Variants in HPS5 observed in about 807,000 individuals in gnomAD.
HPS5 encodes HPS5 biogenesis of lysosomal organelles complex 2 subunit 2.
Under a neutral mutation model 128.0 loss-of-function variants are expected in HPS5, and 83 were observed. That is an observed-to-expected ratio of 0.65 (90% confidence interval 0.54 to 0.78). HPS5 has a LOEUF of 0.78. HPS5 is among the 30% of genes least tolerant of loss of function. HPS5 has a pLI of 0.00. For synonymous variants in HPS5, 475 were observed against 470.2 expected, an observed-to-expected ratio of 1.01 and a Z score of -0.13; for missense variants, 1,281 against 1,326.2, an observed-to-expected ratio of 0.97 and a Z score of 0.53.
At chr11:18,295,229 G>A in intron 13 of HPS5, 60 bp from the exon 14 acceptor site, 9 of 1,538,348 alleles carry the variant, frequency 5.9e-6, no homozygotes, top group Non-Finnish European at 7.9e-6. Flanking sequence ...GAAAACTCAG[G>A]TTTTCATTCT....
intron 16 of HPS5, among the ~76,000 whole-genome samples, chr11:18,288,346 C>CA (rs1432818775): frequency 3.3e-5 from 5 of 152,274 alleles, no homozygotes; most frequent in Non-Finnish European, 7.4e-5. Context: ...AAGCACACAT[C>CA]AAAAACCAAT....
Position 18,282,063 on chromosome 11 carries a change from G to A in HPS5, c.3216C>T (p.Ala1072=), listed in dbSNP as rs1210658776. Residue 1072 remains alanine (A), a synonymous_variant, in exon 22 of 23, where the codon GCC becomes GCT. Transcript: ENST00000349215. ...GTGACCAAGCCCGATCTGGGCCCATGGCCTTAGCTAACAGAAGTGCCACAT... is the reference window on the plus strand; with the variant it reads ...GTGACCAAGCCCGATCTGGGCCCATAGCCTTAGCTAACAGAAGTGCCACAT... ...VENVALLLAK[A]MGPDRAWSLL... The A allele has an allele frequency of 6.2e-7, 1 of 1,614,094 alleles. No homozygotes were observed. Among genetic ancestry groups the A allele is most frequent in the Non-Finnish European group, 8.5e-7 (1 of 1,180,046 alleles).
At chr11:18,300,709 A>C in intron 9 of HPS5, 119 bp downstream of exon 9, 1 of 568,286 alleles carries the variant, frequency 1.8e-6, no homozygotes, top group South Asian at 2.0e-5. Flanking sequence ...AAAAAAAAAA[A>C]AAAAAAAAAA....
intron 20 of HPS5, among the ~76,000 whole-genome samples, chr11:18,284,486 A>T (rs145039151): frequency 6.6e-6 from 1 of 152,276 alleles, no homozygotes; most frequent in East Asian, 1.9e-4. Flanking sequence ...TTCTGTCTCC[A>T]GCCTTCTCAT....
Position 18,283,796 on chromosome 11 carries a change from A to G in HPS5, c.3057T>C (p.Asn1019=). Residue 1019 remains asparagine (N), a splice_region_variant and synonymous_variant, in exon 21 of 23, where the codon AAT becomes AAC. Transcript: ENST00000349215. Reference sequence around the variant, plus strand: ...AGTAACCAGTTAGGATTGACATACCATTGTCCCCTTCCATCAGGCTCATAT... The same window carrying G: ...AGTAACCAGTTAGGATTGACATACCGTTGTCCCCTTCCATCAGGCTCATAT... The part of the protein sequence containing the change: ...LNDMSLMEGD[N]GWIPETVEEW... 6.3e-7 allele frequency: 1 copy of G among 1,599,206 alleles called. No homozygotes were observed. The highest frequency in any genetic ancestry group is 8.6e-7 in the Non-Finnish European group (1 of 1,166,816).
In HPS5 at chr11:18,296,024, C is replaced by G. The variant is rs149677540; in HGVS notation, c.1609G>C (p.Val537Leu). Residue 537 changes from valine (V) to leucine (L), a missense_variant, in exon 13 of 23, where the codon GTG becomes CTG. Physicochemically the swap from Val to Leu is conservative, Grantham distance 32. Coordinates refer to ENST00000349215, the MANE Select transcript of HPS5 (RefSeq NM_181507.2). ...PLPFRSPSPL[V>L]SLQAVKESVS... is the part of the protein sequence containing the mutation. ...CTTTCTTTGACAGCCTGAAGAGACA[C>G]AAGAGGAGATGGAGAACGAAATGGT... 6.2e-7 allele frequency: 1 copy of G among 1,613,614 alleles called. No individual in the cohort carries two copies. Among genetic ancestry groups the G allele is most frequent in the South Asian group, 1.1e-5 (1 of 91,066 alleles).
chr11:18,310,450 C>T (rs1189058118), intron 5 of HPS5, among the ~76,000 whole-genome samples: 2 of 152,106 alleles, frequency 1.3e-5, no homozygotes, highest in Non-Finnish European at 2.9e-5. Flanking sequence ...TCTTAATAGC[C>T]TTATACTAAA....
chr11:18,292,851 AC>A, intron 15 of HPS5, 47 bp downstream of exon 15: 1 of 1,353,194 alleles, frequency 7.4e-7, no homozygotes, highest in Non-Finnish European at 1.1e-6. Context: ...CACTTCGTTT[AC>A]TAAACTGCCT....
chr11:18,286,136 T>C (rs985651400), intron 19 of HPS5, among the ~76,000 whole-genome samples: 2 of 152,218 alleles, frequency 1.3e-5, no homozygotes, highest in Non-Finnish European at 2.9e-5. Context: ...CTTAATCTCA[T>C]TACTACCATG....
At position 18,279,240 on chromosome 11, in the gene HPS5, G is replaced by A. The variant is rs2134184348; in HGVS notation, c.*642C>T. 1 of 152,664 alleles carries A rather than the reference G, an allele frequency of 6.6e-6. No individual in the cohort carries two copies. Among genetic ancestry groups the A allele is most frequent in the South Asian group, 2.1e-4 (1 of 4,824 alleles). 9.5% of individuals were successfully genotyped at this position (152,664 alleles called of 1,614,324 possible). On this transcript the variant is annotated 3_prime_UTR_variant, in exon 23 of 23. Coordinates refer to ENST00000349215, the MANE Select transcript of HPS5 (RefSeq NM_181507.2). The stretch of plus-strand genomic sequence containing the variant: ...TGTAGAGATGCATTCTCACTATGTT[G>A]CCCAGGCTGGTCTTGAACTCCTGGC...
chr11:18,292,048 A>G (rs961320278), intron 15 of HPS5, 29 bp from the exon 16 acceptor site: 12 of 1,539,142 alleles, frequency 7.8e-6, no homozygotes, highest in Non-Finnish European at 9.9e-6. Flanking sequence ...TATGAAATTC[A>G]TGTGTCATGT....
At chr11:18,285,156 A>G (rs796148300) in intron 20 of HPS5, among the ~76,000 whole-genome samples, 190 bp downstream of exon 20, 30 of 152,152 alleles carry the variant, frequency 2.0e-4, no homozygotes, top group African/African-American at 7.0e-4. Context: ...AAAAAAAAAA[A>G]AAGAAAAAAG....
In HPS5 at chr11:18,291,650, A is replaced by G; in HGVS notation, c.2232T>C (p.Cys744=). Residue 744 remains cysteine, a synonymous_variant, in exon 16 of 23, where the codon TGT becomes TGC. Coordinates refer to ENST00000349215, the MANE Select transcript of HPS5 (RefSeq NM_181507.2). ...RNDLAELTTL[C]LELNVLNSKI... ...TAGAATTCAATACATTCAACTCCAA[A>G]CATAATGTTGTCAATTCAGCCAGGT... The G allele has an allele frequency of 6.2e-7, 1 of 1,614,196 alleles. No homozygotes were observed. The highest frequency in any genetic ancestry group is 8.5e-7 in the Non-Finnish European group (1 of 1,180,028).
At chr11:18,310,429 T>C (rs985461423) in intron 5 of HPS5, among the ~76,000 whole-genome samples, 6 of 150,456 alleles carry the variant, frequency 4.0e-5, no homozygotes, top group African/African-American at 1.2e-4. Flanking sequence ...AATAAATAGA[T>C]ATCTTTTCTT....
In HPS5 at chr11:18,279,437, A is replaced by T. The variant is rs1376551455; in HGVS notation, c.*445T>A. The stretch of plus-strand genomic sequence containing the variant: ...ATTTCAGTAATTTCCATATTGTGCC[A>T]GACAAGATATAAAAATAATTCAACT... On this transcript the variant is annotated 3_prime_UTR_variant, in exon 23 of 23. Coordinates refer to ENST00000349215, the MANE Select transcript of HPS5 (RefSeq NM_181507.2). 1 of 178,752 alleles carries T rather than the reference A, an allele frequency of 5.6e-6. No individual in the cohort carries two copies. The highest frequency in any genetic ancestry group is 5.5e-5 in the Admixed American group (1 of 18,212). The allele number at this position is 178,752 out of a possible 1,614,324, so 11.1% of individuals were successfully genotyped here.
intron 22 of HPS5, chr11:18,280,376 A>G (rs1209992194): frequency 1.8e-6 from 1 of 568,772 alleles, no homozygotes; most frequent in Non-Finnish European, 3.1e-6. Flanking sequence ...AAAAAACAAC[A>G]ACAGAAAATG....
intron 17 of HPS5, 28 bp downstream of exon 17, chr11:18,287,865 C>T (rs200457652): frequency 5.9e-4 from 945 of 1,613,612 alleles, no homozygotes; most frequent in Non-Finnish European, 7.8e-4. Flanking sequence ...TGCTTTAGCT[C>T]ATATAAACAA....
At chr11:18,291,386 CTG>C (rs1860383786) in intron 16 of HPS5, 54 bp downstream of exon 16, 23 of 1,136,016 alleles carry the variant, frequency 2.0e-5, no homozygotes, top group African/African-American at 3.1e-5. Context: ...AAATTCAAAA[CTG>C]CTAATGTTTT....
chr11:18,312,447 T>C (rs535178646), intron 2 of HPS5, among the ~76,000 whole-genome samples: 1 of 152,236 alleles, frequency 6.6e-6, no homozygotes, highest in African/African-American at 2.4e-5. Context: ...CCACAAAACA[T>C]CCACAAGTCT....
Sources: gnomAD v4.1 joint callset for allele counts (sites outside exome capture counted in the v4.1 genomes callset) on GRCh38, gnomAD v4.1.1 for gene constraint, MANE v1.5 for transcripts, NCBI Gene and HGNC (gene_info 2026-07-23, HGNC 2026-07-21) for gene names.